The following ABCA5 variants were observed in gnomAD, a reference collection of about 807,000 sequenced individuals.
The protein encoded by ABCA5 is cholesterol transporter ABCA5.
A neutral mutation model predicts 206.0 loss-of-function variants in ABCA5; 163 were observed. The ratio of observed to expected loss-of-function variants is 0.79; its 90% CI spans 0.70 to 0.90. ABCA5 has a LOEUF of 0.90. Ranked by LOEUF, ABCA5 falls within the 40% of genes least tolerant of loss-of-function variation. ABCA5 has a pLI of 0.00. For missense variants in ABCA5, 1,859 were observed against 1,912.9 expected, an observed-to-expected ratio of 0.97 and a Z score of 0.53; for synonymous variants, 609 against 613.8, an observed-to-expected ratio of 0.99 and a Z score of 0.11.
chr17:69,286,118 A>G, intron 16 of ABCA5, 81 bp from the exon 17 acceptor site: 2 of 1,554,070 alleles, frequency 1.3e-6, no homozygotes, highest in South Asian at 1.2e-5. Context: ...AATTAAATTT[A>G]GTACCATAAA....
At chr17:69,324,390 A>G (rs2075884756) in intron 1 of ABCA5, among the ~76,000 whole-genome samples, 1 of 152,252 alleles carries the variant, frequency 6.6e-6, no homozygotes, top group South Asian at 2.1e-4. Context: ...TGGCAGAGGC[A>G]TAAGGCAAAG....
In ABCA5 at chr17:69,297,264, C is replaced by G. The variant is rs1298462693; in HGVS notation, c.1363G>C (p.Val455Leu). The change falls in exon 10 of 39, where the codon GTT (valine) becomes CTT (leucine). Residue 455 changes from valine to leucine, a missense_variant. Physicochemically the swap from Val to Leu is conservative, Grantham distance 32 (BLOSUM62 1). Coordinates refer to ENST00000392676, the MANE Select transcript of ABCA5 (RefSeq NM_172232.4). ...RNYEELSEGN[V>L]NGNISFSEII... ...TCACTAAAACTAATATTTCCATTAACATTGCCCTCTGATAACTCCTCATAA... is the reference window on the plus strand; with the variant it reads ...TCACTAAAACTAATATTTCCATTAAGATTGCCCTCTGATAACTCCTCATAA... 6.2e-7 allele frequency: 1 copy of G among 1,612,888 alleles called. No homozygotes were observed. Among genetic ancestry groups the G allele is most frequent in the Admixed American group, 1.7e-5 (1 of 59,878 alleles).
At chr17:69,284,205 T>C in intron 17 of ABCA5, 133 bp from the exon 18 acceptor site, 1 of 698,088 alleles carries the variant, frequency 1.4e-6, no homozygotes, top group Non-Finnish European at 2.1e-6. Context: ...AAAATAAAAA[T>C]AAATTAGCTA....
chr17:69,247,742 A>G, intron 38 of ABCA5, 98 bp from the exon 39 acceptor site: 2 of 583,018 alleles, frequency 3.4e-6, no homozygotes, highest in South Asian at 5.7e-5. Flanking sequence ...ATATCTAGTT[A>G]TATCAACAAG....
chr17:69,274,221 TTTTTTG>T, intron 19 of ABCA5, 93 bp from the exon 20 acceptor site: 4 of 1,252,404 alleles, frequency 3.2e-6, no homozygotes, highest in Non-Finnish European at 4.3e-6. Context: ...GATATGGACT[TTTTTTG>T]TTTTTATTTG....
At chr17:69,302,927 G>A in intron 7 of ABCA5, 21 bp from the exon 8 acceptor site, 1 of 1,366,286 alleles carries the variant, frequency 7.3e-7, no homozygotes, top group Non-Finnish European at 9.8e-7. Context: ...CAAATATTAA[G>A]GTTAGTGCAA....
intron 17 of ABCA5, among the ~76,000 whole-genome samples, chr17:69,284,967 T>C (rs1384530504): frequency 6.6e-6 from 1 of 152,154 alleles, no homozygotes; most frequent in Admixed American, 6.5e-5. Context: ...AACAACAAAG[T>C]ATGGTGGTGA....
chr17:69,286,442 G>A, intron 15 of ABCA5, 131 bp from the exon 16 acceptor site: 1 of 780,976 alleles, frequency 1.3e-6, no homozygotes, highest in Non-Finnish European at 2.0e-6. Flanking sequence ...AAAGTCTTAT[G>A]AGGATGGTAC....
rs1160132668 is a variant in ABCA5, at chr17:69,326,687, T to A, written c.-16+365A>T. On this transcript the variant is annotated intron_variant, in intron 1 of 38. Coordinates refer to ENST00000392676, the MANE Select transcript of ABCA5 (RefSeq NM_172232.4). This position sits in a 1 kb window ranked among gnomAD's most constrained non-coding sequence, Gnocchi z 4.8. The stretch of plus-strand genomic sequence containing the variant: ...CTTCTTTCCCTGAGGTTGCTGAGGG[T>A]GGAACGACAGCGTCCAGGCAAAGGC... Among the ~76,000 whole-genome samples the A allele has an allele frequency of 2.0e-5, 3 of 152,136 alleles. No individual in the cohort carries two copies.
rs2074949336 is a variant in ABCA5, at chr17:69,246,275, G to A, written c.*1262C>T. On this transcript the variant is annotated 3_prime_UTR_variant, in exon 39 of 39. Transcript: ENST00000392676. The stretch of plus-strand genomic sequence containing the variant: ...ACCAAATCCTTCTGTCATTGCTGTT[G>A]TTGTTGTCTAATACAATAATCACAC... The A allele has an allele frequency of 1.3e-5, 2 of 151,852 alleles. No individual in the cohort carries two copies. The highest frequency in any genetic ancestry group is 4.8e-5 in the African/African-American group (2 of 41,408). The allele number at this position is 151,852 out of a possible 1,614,324, so 9.4% of individuals were successfully genotyped here. A position where few individuals can be genotyped will look rare whatever the true frequency, so the allele number is the denominator to read the frequency against.
Position 69,285,910 on chromosome 17 carries a change from C to T in ABCA5, c.2260G>A (p.Asp754Asn). 2 of 1,611,410 alleles carry T rather than the reference C, an allele frequency of 1.2e-6. No homozygotes were observed. The highest frequency in any genetic ancestry group is 3.3e-4 in the Middle Eastern group (2 of 6,042). ...LVYSLPFKDM[D>N]KFSGLFSALD... ...AAGTAAGTAATACCTGAAAATTTGT[C>T]CATGTCCTTGAAAGGCAAGCTATAC... is the stretch of plus-strand genomic sequence containing the variant. The change falls in exon 17 of 39, where the codon GAC becomes AAC. Residue 754 changes from aspartate (D) to asparagine (N), a missense_variant. Coordinates refer to ENST00000392676, the MANE Select transcript of ABCA5 (RefSeq NM_172232.4).
At chr17:69,283,430 G>A (rs1020632174) in intron 18 of ABCA5, among the ~76,000 whole-genome samples, 1 of 151,910 alleles carries the variant, frequency 6.6e-6, no homozygotes, top group African/African-American at 2.4e-5. Context: ...TCAGATCATG[G>A]TACCTATTTG....
intron 11 of ABCA5, among the ~76,000 whole-genome samples, chr17:69,293,982 A>T (rs2075558526): frequency 6.6e-6 from 1 of 152,038 alleles, no homozygotes; most frequent in African/African-American, 2.4e-5. Flanking sequence ...CACAACAAAG[A>T]ATTATCAGGA....
At chr17:69,252,988 T>A (rs2075034067) in intron 34 of ABCA5, among the ~76,000 whole-genome samples, 2 of 150,978 alleles carry the variant, frequency 1.3e-5, no homozygotes, top group South Asian at 4.1e-4. Flanking sequence ...TTTAGATACA[T>A]CTAGATACAC....
chr17:69,314,217 T>A (rs1451094929), intron 2 of ABCA5, 97 bp downstream of exon 2: 6 of 555,072 alleles, frequency 1.1e-5, no homozygotes, highest in Non-Finnish European at 1.7e-5. Context: ...AAAATTATAA[T>A]AAAAATATAT....
intron 1 of ABCA5, among the ~76,000 whole-genome samples, chr17:69,324,987 T>A (rs1032450714): frequency 2.6e-5 from 4 of 152,126 alleles, no homozygotes; most frequent in African/African-American, 9.7e-5. Flanking sequence ...TGCTCTCATC[T>A]TCTTTATTGC....
At position 69,263,918 on chromosome 17, in the gene ABCA5, G is replaced by A. The variant is rs150258688; in HGVS notation, c.3315+817C>T. On this transcript the variant is annotated intron_variant, in intron 24 of 38. Transcript: ENST00000392676. ...TCACTATGTTGACCAGGATGGTCTT[G>A]ATCTCTTGACCTCGTGATCCACCCG... Among the ~76,000 whole-genome samples the A allele has an allele frequency of 3.3e-5, 5 of 151,994 alleles. No homozygotes were observed. The East Asian group carries it at 9.7e-4, about 30-fold the overall frequency.
intron 31 of ABCA5, 46 bp from the exon 32 acceptor site, chr17:69,254,536 T>G (rs1375272498): frequency 4.5e-6 from 7 of 1,540,950 alleles, no homozygotes; most frequent in Non-Finnish European, 6.2e-6. Flanking sequence ...TAATTTACAC[T>G]GTGAAGGAAG....
intron 1 of ABCA5, among the ~76,000 whole-genome samples, chr17:69,318,365 G>A (rs1170898744): frequency 6.6e-6 from 1 of 152,114 alleles, no homozygotes; most frequent in Non-Finnish European, 1.5e-5. Flanking sequence ...AAAGTGCTGG[G>A]ATTACAGGAG....
Sources: gnomAD v4.1 joint callset for allele counts (sites outside exome capture counted in the v4.1 genomes callset) on GRCh38, gnomAD v4.1.1 for gene constraint, Gnocchi (gnomAD v3.1) non-coding constraint, MANE v1.5 for transcripts, NCBI Gene and HGNC (gene_info 2026-07-23, HGNC 2026-07-21) for gene names.